The following NKAIN2 variants were observed in gnomAD, a reference collection of about 807,000 sequenced individuals.
NKAIN2 encodes sodium/potassium transporting ATPase interacting 2.
In NKAIN2, 14 loss-of-function variants were observed where a neutral mutation model predicts 32.6. The ratio of observed to expected loss-of-function variants is 0.43; its 90% CI spans 0.28 to 0.67. The LOEUF is 0.67. NKAIN2 is among the 30% of genes least tolerant of loss of function. The pLI, the probability that NKAIN2 is intolerant of heterozygous loss-of-function variation, is 0.17. For missense variants in NKAIN2, 198 were observed against 258.3 expected, an observed-to-expected ratio of 0.77 and a Z score of 1.60; for synonymous variants, 80 against 87.2, an observed-to-expected ratio of 0.92 and a Z score of 0.46.
intron 1 of NKAIN2, among the ~76,000 whole-genome samples, chr6:123,924,079 T>C (rs1455819318): frequency 6.6e-6 from 1 of 152,166 alleles, no homozygotes; most frequent in Non-Finnish European, 1.5e-5. Flanking sequence ...TACCTAATAT[T>C]AACTATAGTT....
chr6:124,754,717 A>T (rs1229096661), intron 4 of NKAIN2, among the ~76,000 whole-genome samples: 1 of 152,100 alleles, frequency 6.6e-6, no homozygotes, highest in African/African-American at 2.4e-5. Flanking sequence ...ATTGTGGAAG[A>T]CAGTGTGGCG....
chr6:124,260,780 T>C (rs1305513119), intron 1 of NKAIN2, among the ~76,000 whole-genome samples: 1 of 149,438 alleles, frequency 6.7e-6, no homozygotes, highest in Non-Finnish European at 1.5e-5. Flanking sequence ...GAAAAGTCTC[T>C]AATATATGAG....
intron 3 of NKAIN2, among the ~76,000 whole-genome samples, chr6:124,479,273 T>C (rs1169160255): frequency 1.3e-5 from 2 of 152,170 alleles, no homozygotes; most frequent in Non-Finnish European, 2.9e-5. Context: ...TTAATAATCA[T>C]GTATCGATAT....
At chr6:124,410,577 C>T (rs1422841366) in intron 3 of NKAIN2, among the ~76,000 whole-genome samples, 1 of 152,150 alleles carries the variant, frequency 6.6e-6, no homozygotes, top group African/African-American at 2.4e-5. Flanking sequence ...GCTATAATTT[C>T]TGTTCTTTTA....
intron 4 of NKAIN2, among the ~76,000 whole-genome samples, chr6:124,790,355 C>A (rs1582528035): frequency 6.6e-6 from 1 of 151,896 alleles, no homozygotes; most frequent in African/African-American, 2.4e-5. Context: ...TTTTCCCGTG[C>A]TTTTGCTTCC....
At chr6:124,696,512 T>G (rs1774505959) in intron 4 of NKAIN2, among the ~76,000 whole-genome samples, 1 of 152,156 alleles carries the variant, frequency 6.6e-6, no homozygotes, top group Non-Finnish European at 1.5e-5. Context: ...CCAGATTTGC[T>G]GTCTACCGGA....
intron 1 of NKAIN2, among the ~76,000 whole-genome samples, chr6:124,004,557 G>A (rs1313243447): frequency 6.6e-6 from 1 of 151,810 alleles, no homozygotes; most frequent in Admixed American, 6.6e-5. Context: ...AGTTTGCTGA[G>A]AATGATGGTT....
chr6:124,690,555 A>G (rs1774207370), intron 4 of NKAIN2, among the ~76,000 whole-genome samples: 1 of 152,154 alleles, frequency 6.6e-6, no homozygotes, highest in Non-Finnish European at 1.5e-5. Context: ...AATATGATGT[A>G]GCTTTTTCTA....
At chr6:124,344,099 C>T (rs1798280810) in intron 2 of NKAIN2, among the ~76,000 whole-genome samples, 2 of 152,002 alleles carry the variant, frequency 1.3e-5, no homozygotes, top group Admixed American at 1.3e-4. Context: ...ATCCTTTCCC[C>T]ATTGCTTGTT....
At chr6:123,972,537 T>C (rs1316269083) in intron 1 of NKAIN2, among the ~76,000 whole-genome samples, 3 of 152,166 alleles carry the variant, frequency 2.0e-5, no homozygotes, top group Non-Finnish European at 4.4e-5. Context: ...ATGGATATAT[T>C]GAAAGATTGA....
chr6:124,525,677 G>A (rs1389417510), intron 3 of NKAIN2, among the ~76,000 whole-genome samples: 1 of 135,800 alleles, frequency 7.4e-6, no homozygotes, highest in African/African-American at 2.7e-5. Context: ...TAGAGTTATA[G>A]AATGAATATA....
chr6:123,983,637 C>T (rs1038340059), intron 1 of NKAIN2, among the ~76,000 whole-genome samples: 2 of 152,094 alleles, frequency 1.3e-5, no homozygotes, highest in African/African-American at 2.4e-5. Flanking sequence ...ACTATTTCCA[C>T]ACTACCCCCC....
At chr6:124,044,648 G>A (rs569459244) in intron 1 of NKAIN2, among the ~76,000 whole-genome samples, 46 of 152,158 alleles carry the variant, frequency 3.0e-4, no homozygotes, top group African/African-American at 1.0e-3. Flanking sequence ...AGCCCTTTCA[G>A]TGCTCTTTCA....
chr6:123,876,803 A>G (rs986739169), intron 1 of NKAIN2, among the ~76,000 whole-genome samples: 7 of 152,316 alleles, frequency 4.6e-5, no homozygotes, highest in East Asian at 1.9e-4. Flanking sequence ...TCAAATGCCA[A>G]TCTTTTCTGG....
At chr6:123,966,364 T>C (rs1240125629) in intron 1 of NKAIN2, among the ~76,000 whole-genome samples, 1 of 152,136 alleles carries the variant, frequency 6.6e-6, no homozygotes, top group Non-Finnish European at 1.5e-5. Context: ...CTTCCCCCAG[T>C]ATTTTGAGGA....
At chr6:124,352,615 GCTA>G (rs138747396) in intron 2 of NKAIN2, among the ~76,000 whole-genome samples, 12,570 of 152,200 alleles carry the variant, frequency 0.083, 528 homozygotes, top group African/African-American at 0.11. Flanking sequence ...CTAGTATCCT[GCTA>G]CTTTGACTTT....
chr6:124,101,589 T>C (rs1221482810), intron 1 of NKAIN2, among the ~76,000 whole-genome samples: 3 of 152,128 alleles, frequency 2.0e-5, no homozygotes, highest in African/African-American at 7.2e-5. Context: ...TTTGTTTGTT[T>C]TTGCTGTTTT....
At chr6:124,213,503 A>G (rs1043679225) in intron 1 of NKAIN2, among the ~76,000 whole-genome samples, 1 of 152,124 alleles carries the variant, frequency 6.6e-6, no homozygotes, top group Admixed American at 6.6e-5. Context: ...AAATAAAAAA[A>G]TACAGCCAGA....
At chr6:123,809,262 C>T (rs1013596296) in intron 1 of NKAIN2, among the ~76,000 whole-genome samples, 1 of 151,584 alleles carries the variant, frequency 6.6e-6, no homozygotes, top group Non-Finnish European at 1.5e-5. Flanking sequence ...TTTTTTTCCC[C>T]TCATGGAAAC....
Sources: allele counts gnomAD v4.1 joint callset (sites outside exome capture counted in the v4.1 genomes callset), GRCh38; gene constraint gnomAD v4.1.1; transcripts MANE v1.5; gene names NCBI Gene and HGNC (gene_info 2026-07-23, HGNC 2026-07-21).